DENND1A: variants seen among roughly 807,000 people sequenced by gnomAD.
The protein encoded by DENND1A is DENN domain containing 1A.
Under a neutral mutation model 113.7 loss-of-function variants are expected in DENND1A, and 51 were observed. That is an observed-to-expected ratio of 0.45 (90% CI 0.36 to 0.57). DENND1A has a LOEUF of 0.57. Ranked by LOEUF, DENND1A falls within the 20% of genes least tolerant of loss-of-function variation. The probability of loss-of-function intolerance (pLI) is 0.00; values close to 1 mark genes in which losing one functional copy is unlikely to be tolerated. For missense variants in DENND1A, 1,258 were observed against 1,395.9 expected (o/e 0.90, Z 1.57); for synonymous variants, 565 against 570.8 (o/e 0.99, Z 0.14).
chr9:123,782,781 A>G (rs1831525961), intron 3 of DENND1A, among the ~76,000 whole-genome samples: 1 of 152,254 alleles, frequency 6.6e-6, no homozygotes, highest in Non-Finnish European at 1.5e-5. Context: ...ATATCACACA[A>G]TTTATGTAAA....
intron 19 of DENND1A, chr9:123,413,718 T>G (rs1564442535): frequency 1.0e-6 from 1 of 985,394 alleles, no homozygotes; most frequent in Non-Finnish European, 1.2e-6. Context: ...TTGGTGACCC[T>G]TCAGCTGACA....
chr9:123,742,119 C>A (rs2069081912), intron 5 of DENND1A, among the ~76,000 whole-genome samples: 1 of 152,152 alleles, frequency 6.6e-6, no homozygotes, highest in Non-Finnish European at 1.5e-5. Flanking sequence ...GGCCTCACAG[C>A]TCTGCCAGTT....
intron 1 of DENND1A, among the ~76,000 whole-genome samples, chr9:123,889,154 T>C (rs1486393111): frequency 2.0e-5 from 3 of 152,168 alleles, no homozygotes; most frequent in Admixed American, 6.5e-5. Flanking sequence ...TGTGGTTCTA[T>C]GGAAAGAACC....
intron 1 of DENND1A, among the ~76,000 whole-genome samples, chr9:123,925,642 G>C (rs1236113854): frequency 6.6e-6 from 1 of 152,100 alleles, no homozygotes; most frequent in Non-Finnish European, 1.5e-5. Flanking sequence ...CACTAATTAT[G>C]ATAATAATGG....
intron 2 of DENND1A, among the ~76,000 whole-genome samples, chr9:123,828,544 C>T (rs1171578197): frequency 6.6e-6 from 1 of 151,600 alleles, no homozygotes; most frequent in African/African-American, 2.4e-5. Context: ...ACACTCTAAA[C>T]CTCAAGCAGG....
chr9:123,432,109 G>A (rs534580131), intron 19 of DENND1A, among the ~76,000 whole-genome samples: 1 of 152,316 alleles, frequency 6.6e-6, no homozygotes, highest in East Asian at 1.9e-4. Context: ...TATAACGAGA[G>A]GAATACCACC....
chr9:123,689,085 C>T (rs1203913839), intron 5 of DENND1A, among the ~76,000 whole-genome samples: 1 of 152,116 alleles, frequency 6.6e-6, no homozygotes, highest in East Asian at 1.9e-4. Context: ...AGTGCAGTGG[C>T]GTGATCTCGG....
intron 9 of DENND1A, among the ~76,000 whole-genome samples, chr9:123,645,355 A>G (rs2062260238): frequency 6.6e-6 from 1 of 152,232 alleles, no homozygotes; most frequent in Admixed American, 6.5e-5. Context: ...TGCAGGCCAC[A>G]TCAGGATCTG....
At chr9:123,747,815 A>G (rs2069644307) in intron 5 of DENND1A, among the ~76,000 whole-genome samples, 1 of 152,252 alleles carries the variant, frequency 6.6e-6, no homozygotes, top group Admixed American at 6.5e-5. Flanking sequence ...AATATACAAA[A>G]TAAAATACGG....
chr9:123,725,323 G>A (rs187951670), intron 5 of DENND1A, among the ~76,000 whole-genome samples: 3 of 152,180 alleles, frequency 2.0e-5, no homozygotes, highest in African/African-American at 7.2e-5. Flanking sequence ...GAATGGCTCA[G>A]GTCTTTGATG....
intron 5 of DENND1A, among the ~76,000 whole-genome samples, chr9:123,730,530 G>C (rs1357370405): frequency 6.6e-6 from 1 of 152,130 alleles, no homozygotes; most frequent in Non-Finnish European, 1.5e-5. Context: ...GGCCATCAGA[G>C]AAATGCAAAT....
At chr9:123,918,865 A>T (rs763621480) in intron 1 of DENND1A, among the ~76,000 whole-genome samples, 1 of 152,170 alleles carries the variant, frequency 6.6e-6, no homozygotes, top group Admixed American at 6.6e-5. Flanking sequence ...TCTTGATGGA[A>T]GTACCTATCA....
intron 1 of DENND1A, among the ~76,000 whole-genome samples, chr9:123,903,163 T>C (rs1055485745): frequency 6.7e-6 from 1 of 149,890 alleles, no homozygotes; most frequent in Non-Finnish European, 1.5e-5. Flanking sequence ...AAACCCCATC[T>C]CTACTAAAAA....
chr9:123,520,341 C>T (rs144017549), intron 13 of DENND1A, among the ~76,000 whole-genome samples: 1 of 152,214 alleles, frequency 6.6e-6, no homozygotes, highest in Admixed American at 6.5e-5. Flanking sequence ...TGCCTGTAAT[C>T]TCAGCTACTC....
chr9:123,839,754 CA>C lies in DENND1A; in HGVS notation c.88+39196del, dbSNP rs1287242866. Among the ~76,000 whole-genome samples the C allele has an allele frequency of 6.6e-5, 10 of 152,306 alleles. No individual in the cohort carries two copies. In the South Asian group the frequency reaches 2.1e-3, roughly 32 times the overall value. On this transcript the variant is annotated intron_variant, in intron 2 of 23. Transcript: ENST00000394215. ...AGATTCCCTCATTCTTGTGCAAATA[CA>C]ATCTGTCTATCAACATATTAGCATT...
In DENND1A at chr9:123,789,170, G is replaced by C. The variant is rs1442350495; in HGVS notation, c.132+3417C>G. Among the ~76,000 whole-genome samples, 3 of 151,482 alleles carry C rather than the reference G, an allele frequency of 2.0e-5. No individual in the cohort carries two copies. In the East Asian group the frequency reaches 5.8e-4, roughly 29 times the overall value. ...ATAGCAGGCTTACCAGATTTTAAATGAAATATTGAGTGCTACAGTGATTTA... is the reference window on the plus strand; with the variant it reads ...ATAGCAGGCTTACCAGATTTTAAATCAAATATTGAGTGCTACAGTGATTTA... On this transcript the variant is annotated intron_variant, in intron 3 of 23. Transcript: ENST00000394215.
intron 5 of DENND1A, chr9:123,736,481 T>C (rs1156303933): frequency 6.6e-6 from 1 of 152,194 alleles, no homozygotes; most frequent in Non-Finnish European, 1.5e-5. Context: ...GAGAACAGCA[T>C]AGAGTCACTG....
At chr9:123,399,417 G>T (rs1469574706) in intron 21 of DENND1A, among the ~76,000 whole-genome samples, 3 of 152,066 alleles carry the variant, frequency 2.0e-5, no homozygotes, top group Non-Finnish European at 2.9e-5. Flanking sequence ...CCAGGGTGGT[G>T]TGCAGTGTCA....
At chr9:123,712,525 T>C (rs1203861284) in intron 5 of DENND1A, among the ~76,000 whole-genome samples, 5 of 152,164 alleles carry the variant, frequency 3.3e-5, no homozygotes, top group African/African-American at 9.7e-5. Flanking sequence ...AAGACAAGTA[T>C]ATGGAGCATT....
Sources: allele counts gnomAD v4.1 joint callset (sites outside exome capture counted in the v4.1 genomes callset), GRCh38; gene constraint gnomAD v4.1.1; transcripts MANE v1.5; gene names NCBI Gene and HGNC (gene_info 2026-07-23, HGNC 2026-07-21).